RANBP2: variants seen among roughly 807,000 people sequenced by gnomAD.
RANBP2 encodes the protein E3 SUMO-protein ligase RanBP2.
A neutral mutation model predicts 303.6 loss-of-function variants in RANBP2; 57 were observed. The observed-to-expected ratio is 0.19, with a 90% CI of 0.15 to 0.23. The LOEUF is 0.23. RANBP2 is among the 10% of genes least tolerant of loss of function. RANBP2 has a pLI of 1.00. For synonymous variants in RANBP2, 1,167 were observed against 1,301.5 expected, an observed-to-expected ratio of 0.90 and a Z score of 2.23; for missense variants, 3,138 against 3,780.8, an observed-to-expected ratio of 0.83 and a Z score of 4.46.
chr2:108,965,451 C>T, the RANBP2 span, among the ~76,000 whole-genome samples: 23 of 122,206 alleles, frequency 1.9e-4, no homozygotes, highest in South Asian at 2.1e-3. Context: ...GGAGACAGAG[C>T]GAGATTTCGT....
At chr2:108,944,677 G>A in the RANBP2 span, among the ~76,000 whole-genome samples, 1 of 152,172 alleles carries the variant, frequency 6.6e-6, no homozygotes, top group South Asian at 2.1e-4. Context: ...AACAAGGAGA[G>A]GCCCTGGGTC....
chr2:109,596,299 A>C, the RANBP2 span, among the ~76,000 whole-genome samples: 3 of 152,198 alleles, frequency 2.0e-5, no homozygotes, highest in Admixed American at 2.0e-4. Flanking sequence ...AGTGTTGATA[A>C]GTAAAATTTG....
chr2:109,204,562 G>C, the RANBP2 span, among the ~76,000 whole-genome samples: 14 of 152,160 alleles, frequency 9.2e-5, no homozygotes, highest in Non-Finnish European at 1.9e-4. Context: ...ACATAAATGG[G>C]TGTGTTCAGC....
chr2:109,229,407 TCC>T, the RANBP2 span, among the ~76,000 whole-genome samples: 276 of 152,300 alleles, frequency 1.8e-3, 1 homozygote, highest in African/African-American at 6.4e-3. Flanking sequence ...CCTTTTTCTG[TCC>T]CAGGATCCCA....
chr2:109,075,432 G>A, the RANBP2 span, among the ~76,000 whole-genome samples: 1 of 150,276 alleles, frequency 6.7e-6, no homozygotes, highest in Non-Finnish European at 1.5e-5. Flanking sequence ...CACCATGTTG[G>A]CCAGGCTGGT....
At chr2:109,458,835 C>T in the RANBP2 span, among the ~76,000 whole-genome samples, 10 of 152,196 alleles carry the variant, frequency 6.6e-5, no homozygotes, top group Non-Finnish European at 2.9e-5. Flanking sequence ...GGTAAACTGG[C>T]TGTAGATATT....
At chr2:108,898,440 C>T in the RANBP2 span, among the ~76,000 whole-genome samples, 3 of 152,204 alleles carry the variant, frequency 2.0e-5, no homozygotes, top group Admixed American at 6.5e-5. Flanking sequence ...ACAGCACCCT[C>T]ATTCTCCTGC....
At chr2:108,770,193 A>C (rs1369077948) in intron 20 of RANBP2, among the ~76,000 whole-genome samples, 6 of 152,210 alleles carry the variant, frequency 3.9e-5, no homozygotes, top group Non-Finnish European at 8.8e-5. Flanking sequence ...CATTGTCCCA[A>C]GGGACCTTAG....
chr2:108,930,899 C>T, the RANBP2 span: 1 of 1,572,110 alleles, frequency 6.4e-7, no homozygotes, highest in South Asian at 1.1e-5. Flanking sequence ...CTGAAGAGGC[C>T]AAGAAACAGT....
chr2:109,491,504 T>C, the RANBP2 span, among the ~76,000 whole-genome samples: 2 of 152,220 alleles, frequency 1.3e-5, no homozygotes, highest in Admixed American at 6.5e-5. Flanking sequence ...ACTAGCAACT[T>C]CACATAGTTC....
chr2:109,495,101 G>A, the RANBP2 span, among the ~76,000 whole-genome samples: 14 of 152,190 alleles, frequency 9.2e-5, no homozygotes, highest in African/African-American at 1.7e-4. Context: ...GCCATGCCCC[G>A]TTCCTTCCAA....
chr2:109,659,103 G>A, the RANBP2 span, among the ~76,000 whole-genome samples: 1 of 147,316 alleles, frequency 6.8e-6, no homozygotes, highest in African/African-American at 2.5e-5. Flanking sequence ...ACAGCCAAGC[G>A]CAGTGGCTTA....
chr2:109,330,533 A>G, the RANBP2 span, among the ~76,000 whole-genome samples: 1,278 of 152,308 alleles, frequency 8.4e-3, 15 homozygotes, highest in East Asian at 0.045. Context: ...TTAGATGTCT[A>G]GTACCTCACA....
At position 108,764,635 on chromosome 2, in the gene RANBP2, G is replaced by T; in HGVS notation, c.4096G>T (p.Ala1366Ser). 6.2e-7 allele frequency: 1 copy of T among 1,614,040 alleles called. No homozygotes were observed. The highest frequency in any genetic ancestry group is 8.5e-7 in the Non-Finnish European group (1 of 1,179,958). The part of the protein sequence containing the change: ...WHCNSCSLKN[A>S]STAKKCVSCQ... ...TTGTAACAGCTGCTCATTAAAGAAT[G>T]CTTCAACTGCTAAGAAATGTGTATC... Residue 1366 changes from alanine (A) to serine (S), a missense_variant, in exon 20 of 29, where the codon GCT (alanine) becomes TCT (serine). By Grantham distance (99) the Ala-to-Ser change is moderately conservative (BLOSUM62 1). Around this residue, in one of 20 missense-constraint regions of RANBP2, gnomAD observed 388 missense variants for 328.5 expected, o/e 1.18. Coordinates refer to ENST00000283195, the MANE Select transcript of RANBP2 (RefSeq NM_006267.5).
the RANBP2 span, among the ~76,000 whole-genome samples, chr2:109,679,929 G>C: frequency 6.6e-6 from 1 of 151,808 alleles, no homozygotes; most frequent in East Asian, 1.9e-4. Context: ...TCGCCAGTGT[G>C]GACCACCCTG....
chr2:109,393,962 G>C, the RANBP2 span, among the ~76,000 whole-genome samples: 615 of 152,114 alleles, frequency 4.0e-3, 1 homozygote, highest in African/African-American at 0.014. Context: ...TGGACCCAGC[G>C]CTGAAATTCC....
At chr2:109,394,684 G>A in the RANBP2 span, among the ~76,000 whole-genome samples, 1 of 152,228 alleles carries the variant, frequency 6.6e-6, no homozygotes, top group Admixed American at 6.5e-5. Context: ...GGAGGGGGAC[G>A]TCCACCTGAT....
the RANBP2 span, chr2:108,798,564 C>A: frequency 2.4e-5 from 39 of 1,609,820 alleles, no homozygotes; most frequent in Non-Finnish European, 3.2e-5. Flanking sequence ...GAGGTTCTTA[C>A]AAGATTTCAA....
the RANBP2 span, among the ~76,000 whole-genome samples, chr2:109,295,863 C>G: frequency 2.0e-5 from 3 of 152,170 alleles, no homozygotes; most frequent in Admixed American, 1.3e-4. Flanking sequence ...AAGCTGGACT[C>G]TCTCTCAGGT....
Sources: gnomAD v4.1 joint callset for allele counts (sites outside exome capture counted in the v4.1 genomes callset) on GRCh38, gnomAD v4.1.1 for gene constraint, gnomAD v4.1.1 regional missense constraint, MANE v1.5 for transcripts, NCBI Gene and HGNC (gene_info 2026-07-23, HGNC 2026-07-21) for gene names.